Variants in EXPH5 observed in about 807,000 individuals in gnomAD.
EXPH5 encodes the protein exophilin 5, also known as exophilin-5.
EXPH5 carries 42 observed loss-of-function variants against 41.1 expected under a neutral mutation model. That is an observed-to-expected ratio of 1.02 (90% confidence interval 0.80 to 1.32). The LOEUF is 1.32. EXPH5 is among the 40% of genes most tolerant of loss of function. The pLI, the probability that EXPH5 is intolerant of heterozygous loss-of-function variation, is 0.00. For synonymous variants in EXPH5, 798 were observed against 833.5 expected, an observed-to-expected ratio of 0.96 and a Z score of 0.73; for missense variants, 2,298 against 2,314.5, an observed-to-expected ratio of 0.99 and a Z score of 0.15.
intron 1 of EXPH5, among the ~76,000 whole-genome samples, chr11:108,584,485 A>T (rs2101141): frequency 0.25 from 37,638 of 152,028 alleles, 5,236 homozygotes; most frequent in South Asian, 0.37. Flanking sequence ...CTCAAAAAAA[A>T]AAAAAGGGAG....
chr11:108,557,508 G>T (rs1361185622), intron 1 of EXPH5, among the ~76,000 whole-genome samples: 1 of 152,036 alleles, frequency 6.6e-6, no homozygotes, highest in African/African-American at 2.4e-5. Flanking sequence ...ACCACATCTG[G>T]CTAATTATTT....
chr11:108,554,663 T>C (rs557673968), intron 1 of EXPH5, among the ~76,000 whole-genome samples: 2 of 152,282 alleles, frequency 1.3e-5, no homozygotes, highest in East Asian at 3.9e-4. Flanking sequence ...GGCTCGGGCC[T>C]GTAATCCCAG....
At chr11:108,546,227 C>A (rs2093937615) in intron 1 of EXPH5, among the ~76,000 whole-genome samples, 2 of 151,944 alleles carry the variant, frequency 1.3e-5, no homozygotes, top group Non-Finnish European at 2.9e-5. Flanking sequence ...TAGGGTTCTG[C>A]AATTTGGTGT....
At chr11:108,587,552 T>C (rs959447264) in intron 1 of EXPH5, among the ~76,000 whole-genome samples, 2 of 152,234 alleles carry the variant, frequency 1.3e-5, no homozygotes, top group African/African-American at 4.8e-5. Flanking sequence ...AACTTACCTG[T>C]GCACACATTA....
At position 108,593,520 on chromosome 11, in the gene EXPH5, G is replaced by C. The variant is rs958820475; in HGVS notation, c.17C>G (p.Pro6Arg). 2.5e-6 allele frequency: 4 copies of C among 1,614,144 alleles called. No individual in the cohort carries two copies. Among genetic ancestry groups the C allele is most frequent in the Non-Finnish European group, 2.5e-6 (3 of 1,180,012 alleles). MTKVP[P>R]AFDFSFLNDE... ...ATTTAAGAAACTGAAATCAAACGCC[G>C]GAGGAACTTTCGTCATTTTCTTTAC... is the stretch of plus-strand genomic sequence containing the variant. Residue 6 changes from proline to arginine, a missense_variant, in exon 1 of 6, where the codon CCG becomes CGG. Coordinates refer to ENST00000265843, the MANE Select transcript of EXPH5 (RefSeq NM_015065.3).
intron 1 of EXPH5, among the ~76,000 whole-genome samples, chr11:108,590,110 C>T (rs146739542): frequency 2.0e-4 from 30 of 152,264 alleles, no homozygotes; most frequent in African/African-American, 6.0e-4. Flanking sequence ...AAGCGTAAGG[C>T]GTATCTTGAT....
chr11:108,511,616 T>C lies in EXPH5; in HGVS notation c.3891A>G (p.Lys1297=), dbSNP rs546827074. ...ETFPNALEKD[K]QNYSTREQSG... is the part of the protein sequence containing the mutation. ...ACTGCTCTCGTGTAGAATAATTCTG[T>C]TTGTCTTTTTCTAAAGCGTTAGGAA... Residue 1297 remains lysine (K), a synonymous_variant, in exon 6 of 6, where the codon AAA becomes AAG. Coordinates refer to ENST00000265843, the MANE Select transcript of EXPH5 (RefSeq NM_015065.3). 3.7e-6 allele frequency: 6 copies of C among 1,611,152 alleles called. No individual in the cohort carries two copies. The highest frequency in any genetic ancestry group is 1.7e-4 in the Middle Eastern group (1 of 6,044).
At chr11:108,527,302 A>C (rs1488108679) in intron 4 of EXPH5, among the ~76,000 whole-genome samples, 1 of 152,092 alleles carries the variant, frequency 6.6e-6, no homozygotes, top group African/African-American at 2.4e-5. Context: ...CCTGGGTGAC[A>C]GAGTGAGAAA....
At chr11:108,541,149 C>T (rs2136030967) in intron 2 of EXPH5, among the ~76,000 whole-genome samples, 1 of 152,166 alleles carries the variant, frequency 6.6e-6, no homozygotes, top group East Asian at 1.9e-4. Context: ...AAGTGATCCT[C>T]CTGCCTCTGC....
rs116376743 is a variant in EXPH5, at chr11:108,518,332, A to G, written c.534T>C (p.Val178=). ...IYNSPLENHL[V]DSTFVPKPAV... The stretch of plus-strand genomic sequence containing the variant: ...CTGGCTTTGGGACAAATGTACTGTC[A>G]ACTAGATGATTTTCCAGAGGTGAAT... The change falls in exon 5 of 6, where the codon GTT becomes GTC. Residue 178 remains valine (V), a synonymous_variant. Coordinates refer to ENST00000265843, the MANE Select transcript of EXPH5 (RefSeq NM_015065.3). 4 of 1,614,024 alleles carry G rather than the reference A, an allele frequency of 2.5e-6. No homozygotes were observed. The African/African-American group carries it at 5.3e-5, about 22-fold the overall frequency.
At chr11:108,545,621 A>T (rs1343995696) in intron 1 of EXPH5, among the ~76,000 whole-genome samples, 1 of 152,016 alleles carries the variant, frequency 6.6e-6, no homozygotes, top group Non-Finnish European at 1.5e-5. Flanking sequence ...AAAGTAAATA[A>T]GGCTGAGTGT....
At chr11:108,561,732 T>C (rs555471997) in intron 1 of EXPH5, among the ~76,000 whole-genome samples, 1 of 152,320 alleles carries the variant, frequency 6.6e-6, no homozygotes, top group South Asian at 2.1e-4. Context: ...AAAATCATAA[T>C]GCCAAGTAAG....
At chr11:108,588,218 T>C (rs1341857985) in intron 1 of EXPH5, among the ~76,000 whole-genome samples, 3 of 152,228 alleles carry the variant, frequency 2.0e-5, no homozygotes, top group African/African-American at 7.2e-5. Context: ...ATTTTTTCTA[T>C]ATAGGCAGAT....
At chr11:108,597,960 A>G (rs1013664819), upstream of EXPH5, among the ~76,000 whole-genome samples, 5 of 152,186 alleles carry the variant, frequency 3.3e-5, no homozygotes, top group African/African-American at 4.8e-5. Flanking sequence ...CTGTGTAGAC[A>G]AGATGTTCCT....
chr11:108,551,829 G>A (rs1406354866), intron 1 of EXPH5, among the ~76,000 whole-genome samples: 1 of 152,030 alleles, frequency 6.6e-6, no homozygotes, highest in Non-Finnish European at 1.5e-5. Context: ...TTCCTCCCAC[G>A]CAGGAATCCA....
At chr11:108,597,015 A>C (rs1358808473), upstream of EXPH5, among the ~76,000 whole-genome samples, 1 of 152,190 alleles carries the variant, frequency 6.6e-6, no homozygotes, top group Admixed American at 6.5e-5. Context: ...TCATCAGTTT[A>C]GTATTTAATA....
chr11:108,569,500 T>C (rs996592518), intron 1 of EXPH5, among the ~76,000 whole-genome samples: 3 of 151,522 alleles, frequency 2.0e-5, no homozygotes, highest in South Asian at 2.1e-4. Context: ...CCACCATGCC[T>C]GGCTAATTTT....
intron 4 of EXPH5, among the ~76,000 whole-genome samples, chr11:108,521,234 A>C (rs1472924101): frequency 6.6e-6 from 1 of 152,040 alleles, no homozygotes; most frequent in Non-Finnish European, 1.5e-5. Context: ...ATCCTTTCCA[A>C]AGCTCCAACT....
At chr11:108,522,577 G>A (rs1385208961) in intron 4 of EXPH5, among the ~76,000 whole-genome samples, 1 of 152,148 alleles carries the variant, frequency 6.6e-6, no homozygotes, top group East Asian at 1.9e-4. Context: ...AAGTTTTGCA[G>A]CTCTTGGCTT....
Sources: gnomAD v4.1 joint callset for allele counts (sites outside exome capture counted in the v4.1 genomes callset) on GRCh38, gnomAD v4.1.1 for gene constraint, MANE v1.5 for transcripts, NCBI Gene and HGNC (gene_info 2026-07-23, HGNC 2026-07-21) for gene names.